The following GBP5 variants were observed in gnomAD, a reference collection of about 807,000 sequenced individuals.
GBP5 encodes guanylate binding protein 5.
A neutral mutation model predicts 58.2 loss-of-function variants in GBP5; 48 were observed. The observed-to-expected ratio is 0.83, with a 90% CI of 0.65 to 1.05. The LOEUF (loss-of-function observed/expected upper bound fraction) is 1.05. GBP5 is among the 50% of genes least tolerant of loss of function. The probability of loss-of-function intolerance (pLI) is 0.00; values close to 1 mark genes in which losing one functional copy is unlikely to be tolerated. For missense variants in GBP5, 714 were observed against 686.8 expected, an observed-to-expected ratio of 1.04 and a Z score of -0.44; for synonymous variants, 248 against 251.8, an observed-to-expected ratio of 0.98 and a Z score of 0.14.
Position 89,269,518 on chromosome 1 carries a change from A to G in GBP5, c.38T>C (p.Leu13Pro), listed in dbSNP as rs1193262844. The G allele has an allele frequency of 3.1e-6, 5 of 1,613,966 alleles. No individual in the cohort carries two copies. Among genetic ancestry groups the G allele is most frequent in the South Asian group, 1.1e-5 (1 of 91,070 alleles). ...LEIHMSDPMC[L>P]IENFNEQLKV... ...CAGCTGCTCATTAAAGTTCTCGATGAGGCACATGGGGTCTGACATGTGGAT... is the reference window on the plus strand; with the variant it reads ...CAGCTGCTCATTAAAGTTCTCGATGGGGCACATGGGGTCTGACATGTGGAT... The change falls in exon 3 of 12, where the codon CTC (leucine) becomes CCC (proline). Residue 13 changes from leucine (L) to proline (P), a missense_variant. Transcript: ENST00000370459.
intron 10 of GBP5, 86 bp from the exon 11 acceptor site, chr1:89,262,487 T>C: frequency 8.0e-7 from 1 of 1,255,598 alleles, no homozygotes; most frequent in Non-Finnish European, 1.1e-6. Flanking sequence ...TCCAACTTCC[T>C]GGATAAAATT....
intron 9 of GBP5, 45 bp from the exon 10 acceptor site, chr1:89,262,830 T>C: frequency 8.9e-7 from 1 of 1,122,826 alleles, no homozygotes; most frequent in Non-Finnish European, 1.3e-6. Flanking sequence ...AAATGGTGAT[T>C]AGGAATGTTG....
chr1:89,259,396 A>C lies in GBP5; in HGVS notation c.*1308T>G, dbSNP rs1003258646. On this transcript the variant is annotated 3_prime_UTR_variant, in exon 12 of 12. Transcript: ENST00000370459. ...TTGGCTTTCAGCTTGGAATTTCTCT[A>C]CGCAGATTGTCTATTGACAGTGCCA... 3 of 152,188 alleles carry C rather than the reference A, an allele frequency of 2.0e-5. No individual in the cohort carries two copies. Among genetic ancestry groups the C allele is most frequent in the African/African-American group, 7.2e-5 (3 of 41,430 alleles). 9.4% of individuals were successfully genotyped at this position (152,188 alleles called of 1,614,324 possible).
chr1:89,264,457 A>C (rs536041576), intron 8 of GBP5, among the ~76,000 whole-genome samples: 1 of 152,366 alleles, frequency 6.6e-6, no homozygotes, highest in South Asian at 2.1e-4. Flanking sequence ...AATTCAGTTC[A>C]TGGGTATAAC....
At chr1:89,268,994 T>A in intron 3 of GBP5, 138 bp from the exon 4 acceptor site, 1 of 836,362 alleles carries the variant, frequency 1.2e-6, no homozygotes, top group Non-Finnish European at 1.9e-6. Context: ...TGAATGATGA[T>A]GCAGAAATGG....
At chr1:89,266,896 A>G in intron 6 of GBP5, 61 bp downstream of exon 6, 1 of 1,244,774 alleles carries the variant, frequency 8.0e-7, no homozygotes, top group Non-Finnish European at 1.1e-6. Flanking sequence ...CACCTAAACA[A>G]AAGAGATAAT....
chr1:89,269,508 G>A lies in GBP5; in HGVS notation c.48C>T (p.Asn16=), dbSNP rs1356024563. 3 of 1,613,850 alleles carry A rather than the reference G, an allele frequency of 1.9e-6. No homozygotes were observed. The Admixed American group carries it at 5.0e-5, about 27-fold the overall frequency. The change falls in exon 3 of 12, where the codon AAC becomes AAT. Residue 16 remains asparagine (N), a synonymous_variant. Coordinates refer to ENST00000370459, the MANE Select transcript of GBP5 (RefSeq NM_052942.5). ...HMSDPMCLIE[N]FNEQLKVNQE... ...GATTAACCTTCAGCTGCTCATTAAA[G>A]TTCTCGATGAGGCACATGGGGTCTG...
intron 8 of GBP5, among the ~76,000 whole-genome samples, chr1:89,264,367 C>A (rs1430089266): frequency 1.3e-5 from 2 of 152,158 alleles, no homozygotes; most frequent in Non-Finnish European, 2.9e-5. Context: ...GTGGATTAAA[C>A]TGGTAATTCT....
chr1:89,262,832 G>A (rs768565499), intron 9 of GBP5, 47 bp from the exon 10 acceptor site: 1 of 1,107,980 alleles, frequency 9.0e-7, no homozygotes, highest in African/African-American at 1.6e-5. Context: ...ATGGTGATTA[G>A]GAATGTTGTA....
rs1649792917 is a variant in GBP5, at chr1:89,256,207, ATTT to A, written c.*4494_*4496del. Among the ~76,000 whole-genome samples, 1 of 152,196 alleles carries A rather than the reference ATTT, an allele frequency of 6.6e-6. No homozygotes were observed. The highest frequency in any genetic ancestry group is 1.5e-5 in the Non-Finnish European group (1 of 68,034). ...AATGAACTAGATGAATCTTATAAAG[ATTT>A]TATTAACAAATGAAGCAAGGCATAA... is the stretch of plus-strand genomic sequence containing the variant. On this transcript the variant is annotated 3_prime_UTR_variant, in exon 12 of 12. Transcript: ENST00000370459.
chr1:89,258,678 T>C lies in GBP5; in HGVS notation c.*2026A>G, dbSNP rs1452935411. 6.6e-6 allele frequency among the ~76,000 whole-genome samples: 1 copy of C among 152,142 alleles called. No individual in the cohort carries two copies. The highest frequency in any genetic ancestry group is 1.5e-5 in the Non-Finnish European group (1 of 68,002). On this transcript the variant is annotated 3_prime_UTR_variant, in exon 12 of 12. Coordinates refer to ENST00000370459, the MANE Select transcript of GBP5 (RefSeq NM_052942.5). Reference sequence around the variant, plus strand: ...ATCATATTTTGGGTGACTAAAAAAATTCAAGCTCCTATCATATTACCTAAG... The same window carrying C: ...ATCATATTTTGGGTGACTAAAAAAACTCAAGCTCCTATCATATTACCTAAG...
Position 89,258,097 on chromosome 1 carries a change from C to T in GBP5, c.*2607G>A, listed in dbSNP as rs2100711273. 6.6e-6 allele frequency among the ~76,000 whole-genome samples: 1 copy of T among 152,268 alleles called. No homozygotes were observed. The highest frequency in any genetic ancestry group is 1.5e-5 in the Non-Finnish European group (1 of 68,018). On this transcript the variant is annotated 3_prime_UTR_variant, in exon 12 of 12. Transcript: ENST00000370459. ...TTTGCACCCAGTGACAGATCTCTAACCTGTGAGATCAGAGTATTTGGGGAT... is the reference window on the plus strand; with the variant it reads ...TTTGCACCCAGTGACAGATCTCTAATCTGTGAGATCAGAGTATTTGGGGAT...
rs771924227 is a variant in GBP5 at position 89,262,365 on chromosome 1, G to A, written c.1502C>T (p.Ala501Val). Residue 501 changes from alanine to valine, a missense_variant, in exon 11 of 12, where the codon GCG becomes GTG. Coordinates refer to ENST00000370459, the MANE Select transcript of GBP5 (RefSeq NM_052942.5). ...CCTTTGAATCGCCGCCAACCTTTGC[G>A]CTTCAGCCTTTTCAGCTTCTGCTTT... is the stretch of plus-strand genomic sequence containing the variant. ...QVKAEAEKAE[A>V]QRLAAIQRQN... is the part of the protein sequence containing the mutation. 3.1e-6 allele frequency: 5 copies of A among 1,613,806 alleles called. No individual in the cohort carries two copies. Among genetic ancestry groups the A allele is most frequent in the Admixed American group, 3.3e-5 (2 of 59,994 alleles).
At chr1:89,268,105 C>T (rs1256049942) in intron 4 of GBP5, among the ~76,000 whole-genome samples, 1 of 152,228 alleles carries the variant, frequency 6.6e-6, no homozygotes, top group Non-Finnish European at 1.5e-5. Flanking sequence ...AAATTGTGTG[C>T]ATGTCTTCCC....
intron 1 of GBP5, chr1:89,272,141 T>G (rs914386859): frequency 6.6e-6 from 1 of 152,250 alleles, no homozygotes; most frequent in Non-Finnish European, 1.5e-5. Context: ...AATCAGATTT[T>G]ATGAAGGACG....
At chr1:89,270,168 T>C (rs1466234175) in intron 2 of GBP5, 1 of 152,236 alleles carries the variant, frequency 6.6e-6, no homozygotes, top group African/African-American at 2.4e-5. Context: ...AGCATGATTA[T>C]TTTATGATTG....
intron 1 of GBP5, 45 bp from the exon 2 acceptor site, chr1:89,270,907 T>G (rs767282359): frequency 9.2e-5 from 14 of 152,184 alleles, no homozygotes; most frequent in Non-Finnish European, 1.9e-4. Context: ...AAGCAGATAT[T>G]GAGAGCTTAC....
rs1356024594 is a variant in GBP5 at position 89,256,563 on chromosome 1, C to T, written c.*4141G>A. ...AAAACAGAGAATGGGATGTAACTAACTAAAATATTGCTTTGAAAGGGAACA... is the reference window on the plus strand; with the variant it reads ...AAAACAGAGAATGGGATGTAACTAATTAAAATATTGCTTTGAAAGGGAACA... On this transcript the variant is annotated 3_prime_UTR_variant, in exon 12 of 12. Transcript: ENST00000370459. Among the ~76,000 whole-genome samples the T allele has an allele frequency of 6.6e-6, 1 of 152,112 alleles. No homozygotes were observed. The highest frequency in any genetic ancestry group is 2.4e-5 in the African/African-American group (1 of 41,406).
chr1:89,257,614 T>G lies in GBP5; in HGVS notation c.*3090A>C, dbSNP rs1402397502. Among the ~76,000 whole-genome samples the G allele has an allele frequency of 1.3e-5, 2 of 152,226 alleles. No homozygotes were observed. The highest frequency in any genetic ancestry group is 6.5e-5 in the Admixed American group (1 of 15,278). ...CATACATTGATAATATTGTTTAAAA[T>G]AACAATTGCCATAAAACAATACTAA... is the stretch of plus-strand genomic sequence containing the variant. On this transcript the variant is annotated 3_prime_UTR_variant, in exon 12 of 12. Coordinates refer to ENST00000370459, the MANE Select transcript of GBP5 (RefSeq NM_052942.5).
Sources: allele counts gnomAD v4.1 joint callset (sites outside exome capture counted in the v4.1 genomes callset), GRCh38; gene constraint gnomAD v4.1.1; transcripts MANE v1.5; gene names NCBI Gene and HGNC (gene_info 2026-07-23, HGNC 2026-07-21).